Variants in FNDC3A observed in about 807,000 individuals in gnomAD.
FNDC3A encodes the protein fibronectin type-III domain-containing protein 3A.
A neutral mutation model predicts 148.9 loss-of-function variants in FNDC3A; 32 were observed. That is an observed-to-expected ratio of 0.21 (90% CI 0.16 to 0.29). The LOEUF is 0.29. Ranked by LOEUF, FNDC3A falls within the 10% of genes least tolerant of loss-of-function variation. The pLI is 1.00. For missense variants in FNDC3A, 1,191 were observed against 1,452.8 expected (o/e 0.82, Z 2.93); for synonymous variants, 472 against 473.6 (o/e 1.00, Z 0.04).
chr13:49,072,485 TGTTTTATA>T (rs1407620221), intron 2 of FNDC3A, among the ~76,000 whole-genome samples: 5 of 152,182 alleles, frequency 3.3e-5, no homozygotes, highest in African/African-American at 1.2e-4. Context: ...AGTACCATGC[TGTTTTATA>T]GTTTTATAGT....
At chr13:49,064,411 C>CCCCCAA (rs1555286179) in intron 2 of FNDC3A, among the ~76,000 whole-genome samples, 4 of 90,058 alleles carry the variant, frequency 4.4e-5, no homozygotes, top group Admixed American at 1.2e-4. Flanking sequence ...GCCCCCCCCC[C>CCCCCAA]AAAAAAAAAA....
chr13:49,038,542 G>A (rs80324664), intron 2 of FNDC3A, among the ~76,000 whole-genome samples: 2,839 of 152,276 alleles, frequency 0.019, 93 homozygotes, highest in African/African-American at 0.063. Flanking sequence ...CTTGCTTTGA[G>A]ACCTCTAGCC....
rs142865957 is a variant in FNDC3A at position 49,055,889 on chromosome 13, T to A, written c.100-19400T>A. Among the ~76,000 whole-genome samples the A allele has an allele frequency of 2.1e-3, 318 of 152,124 alleles. 2 individuals carry two copies. The highest frequency in any genetic ancestry group is 7.1e-3 in the African/African-American group (294 of 41,508). ...CATATTTGGCTCAGAATATATCTTT[T>A]CAAATATTTTACAGAGGCCGGGTGT... is the stretch of plus-strand genomic sequence containing the variant. On this transcript the variant is annotated intron_variant, in intron 2 of 25. Transcript: ENST00000492622.
At chr13:48,989,564 G>A (rs4258502) in intron 1 of FNDC3A, among the ~76,000 whole-genome samples, 62,227 of 151,914 alleles carry the variant, frequency 0.41, 13,390 homozygotes, top group East Asian at 0.52. Context: ...TGAAGATACA[G>A]CAATAGAAAC....
At chr13:49,073,233 A>G (rs950643073) in intron 2 of FNDC3A, among the ~76,000 whole-genome samples, 1 of 152,224 alleles carries the variant, frequency 6.6e-6, no homozygotes, top group Non-Finnish European at 1.5e-5. Flanking sequence ...TATTTGCAAC[A>G]TATTATAGTA....
Position 49,191,337 on chromosome 13 carries a change from C to T in FNDC3A, c.2179C>T (p.Pro727Ser), listed in dbSNP as rs747587950. The T allele has an allele frequency of 1.9e-6, 3 of 1,611,304 alleles. No homozygotes were observed. The highest frequency in any genetic ancestry group is 3.4e-5 in the Admixed American group (2 of 59,090). Residue 727 changes from proline to serine, a missense_variant, in exon 19 of 26, where the codon CCT (proline) becomes TCT (serine). This residue lies in a region of FNDC3A where 751 missense variants were observed against 944.0 expected (regional missense o/e 0.80). Coordinates refer to ENST00000492622, the MANE Select transcript of FNDC3A (RefSeq NM_001079673.2). ...AGAATGTACAGTGAGCAGCCTTCTT[C>T]CTGGAAAGACATACAGCTTCAGACT... is the stretch of plus-strand genomic sequence containing the variant. Reference protein sequence around the residue: ...EVECTVSSLLPGKTYSFRLRA... With the variant: ...EVECTVSSLLSGKTYSFRLRA...
chr13:49,161,070 G>A (rs532333680), intron 8 of FNDC3A, among the ~76,000 whole-genome samples: 28 of 152,324 alleles, frequency 1.8e-4, no homozygotes, highest in African/African-American at 6.5e-4. Context: ...TAAGTCTGAT[G>A]TGGTGCTGAG....
At chr13:49,067,887 A>G (rs1226991660) in intron 2 of FNDC3A, among the ~76,000 whole-genome samples, 2 of 152,094 alleles carry the variant, frequency 1.3e-5, no homozygotes, top group Admixed American at 6.6e-5. Context: ...ACAGTAATTC[A>G]CCACCACTAT....
intron 3 of FNDC3A, among the ~76,000 whole-genome samples, chr13:49,112,562 C>T (rs1880645481): frequency 6.6e-6 from 1 of 152,074 alleles, no homozygotes; most frequent in South Asian, 2.1e-4. Flanking sequence ...CTTAATTTTC[C>T]TTAGAGGCTT....
chr13:49,031,692 G>A (rs766628232), intron 2 of FNDC3A, among the ~76,000 whole-genome samples: 3 of 151,914 alleles, frequency 2.0e-5, no homozygotes, highest in Non-Finnish European at 1.5e-5. Flanking sequence ...GAACAAAAAG[G>A]CATAAATCTC....
intron 7 of FNDC3A, among the ~76,000 whole-genome samples, chr13:49,139,770 G>A (rs898998127): frequency 6.6e-6 from 1 of 152,164 alleles, no homozygotes; most frequent in Non-Finnish European, 1.5e-5. Context: ...TCTGTTCAGA[G>A]TGCTTGGAAT....
At chr13:49,133,857 T>G (rs1490403122) in intron 5 of FNDC3A, among the ~76,000 whole-genome samples, 3 of 152,226 alleles carry the variant, frequency 2.0e-5, no homozygotes, top group Non-Finnish European at 2.9e-5. Context: ...AAGTTCCTTC[T>G]CTTTCTACTA....
chr13:49,182,392 G>A (rs1329840336), intron 14 of FNDC3A, among the ~76,000 whole-genome samples: 1 of 152,126 alleles, frequency 6.6e-6, no homozygotes, highest in Non-Finnish European at 1.5e-5. Context: ...TTCACTGAAG[G>A]CTGGGCTAGG....
chr13:49,013,620 A>G (rs988100763), intron 2 of FNDC3A, among the ~76,000 whole-genome samples: 3 of 151,580 alleles, frequency 2.0e-5, no homozygotes, highest in African/African-American at 7.3e-5. Context: ...ACATGTGTAC[A>G]CGTGTATACA....
intron 5 of FNDC3A, among the ~76,000 whole-genome samples, chr13:49,134,326 T>C (rs567338032): frequency 4.6e-5 from 7 of 152,322 alleles, no homozygotes; most frequent in Non-Finnish European, 1.0e-4. Context: ...TCTAGTTTTT[T>C]TTCACTTAAT....
chr13:49,130,378 C>A (rs148739828), intron 4 of FNDC3A, among the ~76,000 whole-genome samples: 4 of 152,142 alleles, frequency 2.6e-5, no homozygotes, highest in Admixed American at 2.6e-4. Flanking sequence ...AATTTTACAT[C>A]CAAATTCTAA....
chr13:49,138,502 C>T (rs1361760645), intron 6 of FNDC3A, among the ~76,000 whole-genome samples: 1 of 151,784 alleles, frequency 6.6e-6, no homozygotes, highest in Non-Finnish European at 1.5e-5. Context: ...ATAGCTATGT[C>T]TAAATATATA....
chr13:49,072,536 A>G (rs1877768192), intron 2 of FNDC3A, among the ~76,000 whole-genome samples: 1 of 152,132 alleles, frequency 6.6e-6, no homozygotes, highest in Non-Finnish European at 1.5e-5. Flanking sequence ...TTCTTAGGTT[A>G]AATTTATTCC....
chr13:49,191,042 C>G lies in FNDC3A; in HGVS notation c.1972C>G (p.Pro658Ala). 1 of 1,613,668 alleles carries G rather than the reference C, an allele frequency of 6.2e-7. No homozygotes were observed. The highest frequency in any genetic ancestry group is 8.5e-7 in the Non-Finnish European group (1 of 1,179,910). Reference protein sequence around the residue: ...AVSESLLVQTPAVPPGPCLPP... With the variant: ...AVSESLLVQTAAVPPGPCLPP... Reference sequence around the variant, plus strand: ...CTCTGAATCTTTACTTGTGCAGACTCCAGCTGTGCCTCCTGGCCCATGCCT... The same window carrying G: ...CTCTGAATCTTTACTTGTGCAGACTGCAGCTGTGCCTCCTGGCCCATGCCT... Residue 658 changes from proline (P) to alanine (A), a missense_variant, in exon 18 of 26, where the codon CCA becomes GCA. Physicochemically the swap from Pro to Ala is conservative, Grantham distance 27 (BLOSUM62 -1). This residue lies in a region of FNDC3A where 751 missense variants were observed against 944.0 expected (regional missense o/e 0.80). Coordinates refer to ENST00000492622, the MANE Select transcript of FNDC3A (RefSeq NM_001079673.2).
Sources: gnomAD v4.1 joint callset for allele counts (sites outside exome capture counted in the v4.1 genomes callset) on GRCh38, gnomAD v4.1.1 for gene constraint, gnomAD v4.1.1 regional missense constraint, MANE v1.5 for transcripts, NCBI Gene and HGNC (gene_info 2026-07-23, HGNC 2026-07-21) for gene names.